EML6: variants seen among roughly 807,000 people sequenced by gnomAD.
EML6 encodes the protein EMAP like 6, also known as echinoderm microtubule-associated protein-like 6.
Under a neutral mutation model 240.1 loss-of-function variants are expected in EML6, and 154 were observed. The observed-to-expected ratio is 0.64, with a 90% CI of 0.56 to 0.73. The LOEUF is 0.73. Ranked by LOEUF, EML6 falls within the 30% of genes least tolerant of loss-of-function variation. The pLI, the probability that EML6 is intolerant of heterozygous loss-of-function variation, is 0.00. For missense variants in EML6, 2,964 were observed against 2,474.6 expected (o/e 1.20, Z -4.20); for synonymous variants, 1,148 against 899.0 (o/e 1.28, Z -4.95).
chr2:54,801,195 C>A (rs776911740), intron 2 of EML6, among the ~76,000 whole-genome samples: 1 of 151,878 alleles, frequency 6.6e-6, no homozygotes, highest in Non-Finnish European at 1.5e-5. Context: ...TGGTGGGCGC[C>A]TGTAGTCCCA....
At chr2:54,867,641 G>A (rs996657590) in intron 14 of EML6, 5 of 152,268 alleles carry the variant, frequency 3.3e-5, no homozygotes, top group Non-Finnish European at 5.9e-5. Flanking sequence ...AGCTACCCAG[G>A]AGGGAAGTTG....
chr2:54,791,817 C>G (rs1215501874), intron 2 of EML6, among the ~76,000 whole-genome samples: 2 of 152,178 alleles, frequency 1.3e-5, no homozygotes, highest in African/African-American at 4.8e-5. Flanking sequence ...TAGCTGTGCT[C>G]TTGGACAAGT....
intron 11 of EML6, among the ~76,000 whole-genome samples, chr2:54,857,806 T>C (rs987515654): frequency 6.6e-6 from 1 of 152,146 alleles, no homozygotes; most frequent in Non-Finnish European, 1.5e-5. Flanking sequence ...CTAGCATGTT[T>C]AGGGAATAGC....
chr2:54,790,675 T>C (rs532134110), intron 2 of EML6, among the ~76,000 whole-genome samples: 1 of 152,128 alleles, frequency 6.6e-6, no homozygotes, highest in African/African-American at 2.4e-5. Context: ...ACATCCATAT[T>C]AGTATCAGGA....
chr2:54,803,263 G>T (rs1272489163), intron 2 of EML6, among the ~76,000 whole-genome samples: 1 of 152,138 alleles, frequency 6.6e-6, no homozygotes, highest in Non-Finnish European at 1.5e-5. Context: ...CAAGTTTCAT[G>T]AACATAAATG....
At chr2:54,890,629 C>T (rs1164188166) in intron 17 of EML6, among the ~76,000 whole-genome samples, 3 of 152,122 alleles carry the variant, frequency 2.0e-5, no homozygotes, top group African/African-American at 7.2e-5. Flanking sequence ...CTTTCCACAG[C>T]AAGAGTGATT....
intron 2 of EML6, among the ~76,000 whole-genome samples, chr2:54,726,296 G>T (rs1474957174): frequency 6.6e-6 from 1 of 152,176 alleles, no homozygotes; most frequent in African/African-American, 2.4e-5. Flanking sequence ...TACATTCTCA[G>T]AATATTGCCA....
chr2:54,849,638 G>A (rs1669962717), intron 9 of EML6, among the ~76,000 whole-genome samples: 1 of 152,106 alleles, frequency 6.6e-6, no homozygotes, highest in African/African-American at 2.4e-5. Flanking sequence ...ACAGGCGCCT[G>A]CCACCACGGC....
At chr2:54,895,484 C>T in intron 21 of EML6, 84 bp downstream of exon 21, 2 of 1,345,158 alleles carry the variant, frequency 1.5e-6, no homozygotes, top group Non-Finnish European at 2.1e-6. Flanking sequence ...GGTTGCAAAA[C>T]TTAAGGAGGC....
At chr2:54,906,337 A>C (rs1673327364) in intron 24 of EML6, among the ~76,000 whole-genome samples, 1 of 152,214 alleles carries the variant, frequency 6.6e-6, no homozygotes. Context: ...AAAGAGAAGT[A>C]AGTCCCAGAT....
chr2:54,819,321 C>T (rs1245057492), intron 4 of EML6, among the ~76,000 whole-genome samples: 1 of 152,110 alleles, frequency 6.6e-6, no homozygotes, highest in African/African-American at 2.4e-5. Context: ...GGTATCTGGG[C>T]CCAATTCCAG....
chr2:54,956,492 A>G (rs558738838), intron 32 of EML6, among the ~76,000 whole-genome samples: 1 of 152,308 alleles, frequency 6.6e-6, no homozygotes, highest in South Asian at 2.1e-4. Context: ...TTCTTCCCGT[A>G]TGTTGTGTTA....
At chr2:54,882,895 A>C (rs112933112) in intron 17 of EML6, 2 of 147,742 alleles carry the variant, frequency 1.4e-5, no homozygotes, top group East Asian at 3.9e-4. Context: ...GGACACACTA[A>C]GCTTATGCAT....
intron 2 of EML6, among the ~76,000 whole-genome samples, chr2:54,812,096 A>G (rs1572937616): frequency 6.6e-6 from 1 of 152,200 alleles, no homozygotes; most frequent in East Asian, 1.9e-4. Context: ...GATTACACAA[A>G]AGACAAAATT....
chr2:54,879,249 C>T (rs958641555), intron 16 of EML6, among the ~76,000 whole-genome samples: 6 of 152,182 alleles, frequency 3.9e-5, no homozygotes, highest in African/African-American at 7.2e-5. Flanking sequence ...CAGTTTACTT[C>T]GGCAGCCCGT....
intron 17 of EML6, among the ~76,000 whole-genome samples, chr2:54,885,219 C>G (rs914336688): frequency 6.6e-6 from 1 of 151,696 alleles, no homozygotes; most frequent in Non-Finnish European, 1.5e-5. Context: ...TTGAGGCGGG[C>G]GGATCACCTC....
At chr2:54,872,181 G>A (rs372998506) in intron 16 of EML6, among the ~76,000 whole-genome samples, 4 of 152,094 alleles carry the variant, frequency 2.6e-5, no homozygotes, top group African/African-American at 9.7e-5. Flanking sequence ...AATAACTGAT[G>A]AAAGTTAAGT....
chr2:54,866,483 A>C (rs973158180), intron 13 of EML6, among the ~76,000 whole-genome samples: 2 of 152,240 alleles, frequency 1.3e-5, no homozygotes, highest in African/African-American at 4.8e-5. Flanking sequence ...TATTTTATTT[A>C]TATTTTACTG....
intron 2 of EML6, among the ~76,000 whole-genome samples, chr2:54,766,359 CT>C (rs1317584138): frequency 6.6e-6 from 1 of 152,100 alleles, no homozygotes; most frequent in East Asian, 1.9e-4. Flanking sequence ...TTTCCTTAGT[CT>C]TTCTTTGTCT....
Sources: gnomAD v4.1 joint callset for allele counts (sites outside exome capture counted in the v4.1 genomes callset) on GRCh38, gnomAD v4.1.1 for gene constraint, MANE v1.5 for transcripts, NCBI Gene and HGNC (gene_info 2026-07-23, HGNC 2026-07-21) for gene names.